STARD8: variants seen among roughly 807,000 people sequenced by gnomAD.
The protein encoded by STARD8 is stAR-related lipid transfer protein 8.
STARD8 carries 25 observed loss-of-function variants against 69.4 expected under a neutral mutation model. The ratio of observed to expected loss-of-function variants is 0.36; its 90% CI spans 0.26 to 0.50. The LOEUF is 0.50. Ranked by LOEUF, STARD8 falls within the 20% of genes least tolerant of loss-of-function variation. The probability of loss-of-function intolerance (pLI) is 0.96; values close to 1 mark genes in which losing one functional copy is unlikely to be tolerated. For synonymous variants in STARD8, 389 were observed against 374.6 expected (o/e 1.04, Z -0.45); for missense variants, 921 against 932.5 (o/e 0.99, Z 0.16).
intron 1 of STARD8, among the ~76,000 whole-genome samples, chrX:68,652,996 A>C (rs1201137661): frequency 1.1e-4 from 5 of 47,493 alleles, no homozygotes; most frequent in Admixed American, 2.5e-4. Flanking sequence ...CACACCACAC[A>C]CCACACACAC....
chrX:68,678,476 T>C (rs766550134), intron 2 of STARD8, among the ~76,000 whole-genome samples: 10 of 112,171 alleles, frequency 8.9e-5, no homozygotes, highest in Non-Finnish European at 1.3e-4. Context: ...ATGTGGGGCA[T>C]CCAGCTACCT....
intron 3 of STARD8, among the ~76,000 whole-genome samples, chrX:68,714,123 C>T (rs929455888): frequency 2.7e-5 from 3 of 112,212 alleles, no homozygotes; most frequent in Non-Finnish European, 5.6e-5. Flanking sequence ...CAGCAGCTTC[C>T]TGTGCTCTTG....
At chrX:68,719,119 A>AT (rs2080123927) in intron 6 of STARD8, 106 bp from the exon 7 acceptor site, 3 of 962,310 alleles carry the variant, frequency 3.1e-6, no homozygotes, top group Admixed American at 8.8e-5. Context: ...AGCTCCCTGC[A>AT]TTTTTTCTTT....
chrX:68,715,272 T>C (rs1380072046), intron 3 of STARD8, 22 bp from the exon 4 acceptor site: 17 of 1,190,813 alleles, frequency 1.4e-5, no homozygotes, highest in Admixed American at 4.5e-5. Context: ...TGCACTCATC[T>C]TTGCTTCTCT....
At chrX:68,676,532 C>T (rs937160397) in intron 2 of STARD8, among the ~76,000 whole-genome samples, 2 of 112,065 alleles carry the variant, frequency 1.8e-5, no homozygotes, top group Admixed American at 1.9e-4. Context: ...GATTCTTAGG[C>T]TCCCCCCAAA....
chrX:68,693,525 C>T, intron 2 of STARD8: 1 of 495,244 alleles, frequency 2.0e-6, no homozygotes, highest in Non-Finnish European at 2.5e-6. Flanking sequence ...CCCGCCCACC[C>T]AGATTTGGGT....
chrX:68,675,083 G>A (rs78646915), intron 2 of STARD8, among the ~76,000 whole-genome samples: 1 of 108,529 alleles, frequency 9.2e-6, no homozygotes, highest in Admixed American at 9.9e-5. Context: ...CAGCCTCCCC[G>A]AGTAGCTAGG....
chrX:68,714,398 C>T (rs1417904311), intron 3 of STARD8, among the ~76,000 whole-genome samples: 1 of 112,294 alleles, frequency 8.9e-6, no homozygotes, highest in African/African-American at 3.2e-5. Context: ...CTGGAACTCT[C>T]TCTGCAGTTT....
chrX:68,723,817 T>A lies in STARD8; in HGVS notation c.2991T>A (p.His997Gln). The change falls in exon 13 of 15, where the codon CAT becomes CAA. Residue 997 changes from histidine to glutamine, a missense_variant. His to Gln is a conservative substitution (Grantham distance 24). Transcript: ENST00000374599. ...ATGTCACCGACAGCATGGCACCCCA[T>A]CCCTGCCGCGACTTTGTGGTGCTTC... ...YHYVTDSMAP[H>Q]PCRDFVVLRM... 1 of 1,188,139 alleles carries A rather than the reference T, an allele frequency of 8.4e-7. No individual in the cohort carries two copies. Among genetic ancestry groups the A allele is most frequent in the Non-Finnish European group, 1.1e-6 (1 of 883,715 alleles).
chrX:68,669,293 T>C, intron 2 of STARD8, among the ~76,000 whole-genome samples: 1 of 112,272 alleles, frequency 8.9e-6, no homozygotes. Flanking sequence ...GTTTTGGCTG[T>C]GACCTTTGCC....
intron 2 of STARD8, among the ~76,000 whole-genome samples, chrX:68,712,398 T>TTG (rs769655039): frequency 8.9e-6 from 1 of 112,570 alleles, no homozygotes; most frequent in African/African-American, 3.2e-5. Flanking sequence ...TCACCAGTTA[T>TTG]TGTGTGTGTG....
chrX:68,652,912 CCA>C (rs1196905422), intron 1 of STARD8, among the ~76,000 whole-genome samples: 611 of 12,008 alleles, frequency 0.051, 31 homozygotes, highest in African/African-American at 0.14. Context: ...ACACACCACA[CCA>C]CACACACACA....
chrX:68,722,084 C>T lies in STARD8; in HGVS notation c.2497C>T (p.Pro833Ser), dbSNP rs760032207. 12 of 1,206,228 alleles carry T rather than the reference C, an allele frequency of 9.9e-6. No homozygotes were observed. The highest frequency in any genetic ancestry group is 1.3e-5 in the Non-Finnish European group (12 of 891,305). Residue 833 changes from proline (P) to serine (S), a missense_variant, in exon 11 of 15, where the codon CCT becomes TCT. By Grantham distance (74) the Pro-to-Ser change is moderately conservative (BLOSUM62 -1). Transcript: ENST00000374599. ...ACGCAGCCTCATTGGCAGGCCAGGC[C>T]CTAGGGACCTGAGTGACAACATGGC... is the stretch of plus-strand genomic sequence containing the variant. ...SKRSLIGRPG[P>S]RDLSDNMAAT... is the part of the protein sequence containing the mutation.
Position 68,698,653 on chromosome X carries a change from C to T in STARD8, c.80-14261C>T, listed in dbSNP as rs17217291. Among the ~76,000 whole-genome samples, 968 of 111,359 alleles carry T rather than the reference C, an allele frequency of 8.7e-3. 7 individuals carry two copies. Among genetic ancestry groups the T allele is most frequent in the Admixed American group, 0.013 (142 of 10,519 alleles). ...CAGACCCAATTTAGAAAGCTCCAGA[C>T]CATATGCAGTTTCCTGCAGTTTCAG... On this transcript the variant is annotated intron_variant, in intron 2 of 14. Coordinates refer to ENST00000374599, the MANE Select transcript of STARD8 (RefSeq NM_001142503.3).
intron 1 of STARD8, among the ~76,000 whole-genome samples, chrX:68,664,458 A>G (rs1358773183): frequency 8.9e-6 from 1 of 111,963 alleles, no homozygotes; most frequent in African/African-American, 3.3e-5. Context: ...CTGTAATTTG[A>G]ATCAAAGTCC....
chrX:68,652,863 ACACACACAC>A (rs1183260440), intron 1 of STARD8, among the ~76,000 whole-genome samples: 5 of 10,633 alleles, frequency 4.7e-4, no homozygotes, highest in Non-Finnish European at 6.1e-4. Context: ...CACACCACAC[ACACACACAC>A]CCACACCCCA....
chrX:68,709,892 C>T (rs2080036657), intron 2 of STARD8, among the ~76,000 whole-genome samples: 2 of 111,527 alleles, frequency 1.8e-5, no homozygotes. Context: ...GATGCCATGG[C>T]TCCTATTTTA....
intron 1 of STARD8, among the ~76,000 whole-genome samples, chrX:68,661,279 G>A (rs1226778313): frequency 2.4e-4 from 27 of 111,793 alleles, no homozygotes; most frequent in African/African-American, 8.5e-4. Flanking sequence ...AGCCTTTGCA[G>A]CTTGTCTCCA....
chrX:68,685,991 G>T (rs2147896556), intron 2 of STARD8, among the ~76,000 whole-genome samples: 1 of 112,068 alleles, frequency 8.9e-6, no homozygotes, highest in African/African-American at 3.2e-5. Context: ...TCACATGGTT[G>T]GTGAGATTTG....
Sources: allele counts gnomAD v4.1 joint callset (sites outside exome capture counted in the v4.1 genomes callset), GRCh38; gene constraint gnomAD v4.1.1; transcripts MANE v1.5; gene names NCBI Gene and HGNC (gene_info 2026-07-23, HGNC 2026-07-21).